The following MYO16 variants were observed in gnomAD, a reference collection of about 807,000 sequenced individuals.
MYO16 encodes the protein myosin XVI.
MYO16 carries 94 observed loss-of-function variants against 205.3 expected under a neutral mutation model. That is an observed-to-expected ratio of 0.46 (90% CI 0.39 to 0.54). The LOEUF (loss-of-function observed/expected upper bound fraction) is 0.54. Ranked by LOEUF, MYO16 falls within the 20% of genes least tolerant of loss-of-function variation. The pLI is 0.00. For synonymous variants in MYO16, 988 were observed against 954.0 expected (o/e 1.04, Z -0.66); for missense variants, 2,315 against 2,387.5 (o/e 0.97, Z 0.63).
At chr13:108,956,016 C>G (rs73616443) in intron 16 of MYO16, among the ~76,000 whole-genome samples, 116 of 152,202 alleles carry the variant, frequency 7.6e-4, no homozygotes, top group Non-Finnish European at 1.3e-3. Context: ...TAGCCTTCTG[C>G]GTATTGATGA....
Position 109,135,457 on chromosome 13 carries a change from T to C in MYO16, c.4052-4807T>C, listed in dbSNP as rs944369737. Among the ~76,000 whole-genome samples the C allele has an allele frequency of 2.0e-5, 3 of 152,172 alleles. No homozygotes were observed. In the East Asian group the frequency reaches 5.8e-4, roughly 29 times the overall value. On this transcript the variant is annotated intron_variant, in intron 31 of 34. Transcript: ENST00000457511. ...GTGACTTATGTTTGGGGCTAGTAGTTTTTTCAGCCTGCTTCTTCCTTATCA... is the reference window on the plus strand; with the variant it reads ...GTGACTTATGTTTGGGGCTAGTAGTCTTTTCAGCCTGCTTCTTCCTTATCA...
rs1440867428 is a variant in MYO16, at chr13:109,023,737, A to ATG, written c.2796+3826_2796+3827insTG. Among the ~76,000 whole-genome samples, 17 of 71,708 alleles carry ATG rather than the reference A, an allele frequency of 2.4e-4. No homozygotes were observed. The Admixed American group carries it at 2.5e-3, about 10-fold the overall frequency. 47.0% of individuals were successfully genotyped at this position (71,708 alleles called of 152,430 possible). The stretch of plus-strand genomic sequence containing the variant: ...CAAATATATGTATATATGCATATAT[A>ATG]CATATATACGTATATGTATACAAAT... On this transcript the variant is annotated intron_variant, in intron 23 of 34. Transcript: ENST00000457511.
intron 22 of MYO16, among the ~76,000 whole-genome samples, chr13:109,018,488 A>G (rs1885907118): frequency 6.6e-6 from 1 of 152,170 alleles, no homozygotes; most frequent in South Asian, 2.1e-4. Context: ...CAGAGCTCAG[A>G]CAACGTGCTG....
At chr13:108,617,217 GCGCTGGA>G (rs1879379418) in intron 1 of MYO16, among the ~76,000 whole-genome samples, 1 of 152,130 alleles carries the variant, frequency 6.6e-6, no homozygotes, top group East Asian at 1.9e-4. Flanking sequence ...ATCCCCAAGA[GCGCTGGA>G]CCCACCCCAG....
the MYO16 span, among the ~76,000 whole-genome samples, chr13:108,506,688 A>G: frequency 6.6e-6 from 1 of 151,996 alleles, no homozygotes. Flanking sequence ...TTTCTTGTCT[A>G]GTTTCTCTGG....
At chr13:108,754,245 T>A (rs1455463964) in intron 4 of MYO16, among the ~76,000 whole-genome samples, 2 of 151,958 alleles carry the variant, frequency 1.3e-5, no homozygotes, top group Non-Finnish European at 2.9e-5. Context: ...AGCTGTAGCA[T>A]GCAGGACAAG....
chr13:108,616,426 G>T (rs186584658), intron 1 of MYO16, among the ~76,000 whole-genome samples: 1 of 152,168 alleles, frequency 6.6e-6, no homozygotes, highest in Admixed American at 6.5e-5. Flanking sequence ...TGAAATCATC[G>T]AGAGAACTGT....
At chr13:108,504,418 C>T in the MYO16 span, among the ~76,000 whole-genome samples, 3 of 152,072 alleles carry the variant, frequency 2.0e-5, no homozygotes, top group Non-Finnish European at 4.4e-5. Flanking sequence ...TGAGCCACCA[C>T]GCCCAGCCCA....
At chr13:108,807,387 T>C (rs567141971) in intron 7 of MYO16, among the ~76,000 whole-genome samples, 2 of 152,184 alleles carry the variant, frequency 1.3e-5, no homozygotes, top group South Asian at 4.1e-4. Flanking sequence ...AAAAAAATCA[T>C]ATTGCGTGGG....
intron 1 of MYO16, among the ~76,000 whole-genome samples, chr13:108,645,936 T>A (rs1880734798): frequency 6.6e-6 from 1 of 152,080 alleles, no homozygotes; most frequent in Admixed American, 6.6e-5. Context: ...TGCCCCAGGG[T>A]GCAGGAAGGT....
intron 27 of MYO16, among the ~76,000 whole-genome samples, chr13:109,074,650 G>T (rs949956055): frequency 2.0e-5 from 3 of 151,966 alleles, no homozygotes; most frequent in Admixed American, 1.3e-4. Flanking sequence ...TACACCATCA[G>T]ATCTCATGAA....
At chr13:108,690,200 G>A (rs1401326840) in intron 2 of MYO16, among the ~76,000 whole-genome samples, 1 of 151,970 alleles carries the variant, frequency 6.6e-6, no homozygotes, top group Non-Finnish European at 1.5e-5. Context: ...TTCAGTGGGA[G>A]GGTTTGGGAG....
intron 33 of MYO16, among the ~76,000 whole-genome samples, chr13:109,168,223 T>A (rs1167378136): frequency 3.3e-5 from 5 of 152,140 alleles, no homozygotes; most frequent in African/African-American, 1.2e-4. Flanking sequence ...ATAAACTTTA[T>A]TTAATTATAA....
chr13:108,749,215 A>T (rs985313063), intron 4 of MYO16, among the ~76,000 whole-genome samples: 6 of 152,114 alleles, frequency 3.9e-5, no homozygotes, highest in Non-Finnish European at 8.8e-5. Context: ...ATATATTGTT[A>T]TTAGCAATAT....
At chr13:109,026,794 T>C (rs1468351177) in intron 23 of MYO16, among the ~76,000 whole-genome samples, 5 of 152,206 alleles carry the variant, frequency 3.3e-5, no homozygotes, top group Admixed American at 3.3e-4. Flanking sequence ...TGATCTGAAT[T>C]TCCTTGATCT....
chr13:108,954,521 G>A (rs921487833), intron 16 of MYO16, among the ~76,000 whole-genome samples: 1 of 152,132 alleles, frequency 6.6e-6, no homozygotes, highest in East Asian at 1.9e-4. Context: ...CATGCAGACT[G>A]CTTGGGATCA....
chr13:108,783,593 T>C (rs548132109), intron 4 of MYO16, among the ~76,000 whole-genome samples: 1 of 152,292 alleles, frequency 6.6e-6, no homozygotes, highest in African/African-American at 2.4e-5. Context: ...GGCAGAATGA[T>C]GTAGTTTGGC....
intron 16 of MYO16, among the ~76,000 whole-genome samples, chr13:108,942,754 T>G (rs1412460237): frequency 6.6e-6 from 1 of 152,224 alleles, no homozygotes; most frequent in Non-Finnish European, 1.5e-5. Context: ...AAACCCAGTA[T>G]TTTTGTTTCC....
chr13:108,800,060 G>A (rs542409619), intron 6 of MYO16, among the ~76,000 whole-genome samples: 1 of 152,190 alleles, frequency 6.6e-6, no homozygotes, highest in East Asian at 1.9e-4. Flanking sequence ...CCAGGTCTGG[G>A]TGATGCGCTC....
Sources: allele counts gnomAD v4.1 joint callset (sites outside exome capture counted in the v4.1 genomes callset), GRCh38; gene constraint gnomAD v4.1.1; transcripts MANE v1.5; gene names NCBI Gene and HGNC (gene_info 2026-07-23, HGNC 2026-07-21).